Variants in P4HA3 observed in about 807,000 individuals in gnomAD.
P4HA3 encodes prolyl 4-hydroxylase subunit alpha 3, also known as prolyl 4-hydroxylase subunit alpha-3.
A neutral mutation model predicts 66.7 loss-of-function variants in P4HA3; 60 were observed. The observed-to-expected ratio is 0.90, with a 90% confidence interval of 0.73 to 1.12. P4HA3 has a LOEUF of 1.12. Ranked by LOEUF, P4HA3 falls within the 50% of genes most tolerant of loss-of-function variation. The pLI is 0.00. For missense variants in P4HA3, 683 were observed against 685.8 expected, an observed-to-expected ratio of 1.00 and a Z score of 0.05; for synonymous variants, 263 against 274.6, an observed-to-expected ratio of 0.96 and a Z score of 0.42.
At chr11:74,264,229 A>G (rs1041694182), downstream of P4HA3, among the ~76,000 whole-genome samples, 4 of 152,252 alleles carry the variant, frequency 2.6e-5, no homozygotes, top group South Asian at 2.1e-4. Flanking sequence ...GAAGCCACTA[A>G]CCATTCCTAC....
At chr11:74,288,846 G>A (rs1478739619) in intron 5 of P4HA3, among the ~76,000 whole-genome samples, 4 of 151,598 alleles carry the variant, frequency 2.6e-5, no homozygotes, top group Non-Finnish European at 5.9e-5. Context: ...CTACTCGGGA[G>A]GCTGAGGCAG....
intron 15 of P4HA3, chr11:74,251,699 A>G (rs373808614): frequency 3.1e-6 from 5 of 1,613,876 alleles, no homozygotes; most frequent in East Asian, 2.2e-5. Context: ...TGCAGAACCC[A>G]TCGGTGGATT....
In P4HA3 at chr11:74,266,909, AG is replaced by A; in HGVS notation, c.*338del. 1.3e-5 allele frequency: 14 copies of A among 1,119,566 alleles called. No individual in the cohort carries two copies. The highest frequency in any genetic ancestry group is 1.7e-5 in the Non-Finnish European group (14 of 812,754). 69.4% of individuals were successfully genotyped at this position (1,119,566 alleles called of 1,614,324 possible). A position where few individuals can be genotyped will look rare whatever the true frequency, so the allele number is the denominator to read the frequency against. ...CTTGGTCCCTGTGGTCAAGGTTCAA[AG>A]TGCCAAAAGACCCACTGATCGAACC... On this transcript the variant is annotated 3_prime_UTR_variant, in exon 13 of 13. Coordinates refer to ENST00000331597, the MANE Select transcript of P4HA3 (RefSeq NM_182904.5).
intron 1 of P4HA3, among the ~76,000 whole-genome samples, chr11:74,307,143 C>A (rs1003466015): frequency 6.6e-6 from 1 of 152,080 alleles, no homozygotes; most frequent in East Asian, 1.9e-4. Flanking sequence ...TTATTCTGAC[C>A]CAGCCTCCAA....
intron 9 of P4HA3, among the ~76,000 whole-genome samples, chr11:74,276,634 T>G (rs114129256): frequency 0.011 from 1,733 of 152,022 alleles, 30 homozygotes; most frequent in African/African-American, 0.04. Flanking sequence ...TTTAAAAAAA[T>G]TATTTGCTAT....
chr11:74,252,137 T>G (rs1464330808), intron 15 of P4HA3, among the ~76,000 whole-genome samples: 2 of 149,342 alleles, frequency 1.3e-5, no homozygotes, highest in East Asian at 3.9e-4. Context: ...GGCACAGTCT[T>G]GGTTCACTGC....
intron 4 of P4HA3, among the ~76,000 whole-genome samples, chr11:74,296,627 T>C (rs914605904): frequency 1.3e-5 from 2 of 151,948 alleles, no homozygotes; most frequent in African/African-American, 2.4e-5. Flanking sequence ...ATAAACAGGA[T>C]TTCACCAGAC....
downstream of P4HA3, chr11:74,266,562 A>C (rs564834262): frequency 1.9e-5 from 3 of 161,840 alleles, no homozygotes; most frequent in African/African-American, 7.2e-5. Flanking sequence ...GGTGGAATCC[A>C]CAGATGGGGA....
intron 10 of P4HA3, among the ~76,000 whole-genome samples, chr11:74,271,975 T>A (rs1860217193): frequency 6.6e-6 from 1 of 151,970 alleles, no homozygotes; most frequent in South Asian, 2.1e-4. Context: ...CAGAGTGACA[T>A]CCCTCCTTAC....
intron 9 of P4HA3, among the ~76,000 whole-genome samples, chr11:74,275,055 T>G (rs1297244691): frequency 6.6e-6 from 1 of 152,260 alleles, no homozygotes; most frequent in African/African-American, 2.4e-5. Flanking sequence ...GTTATAAAAG[T>G]TCTATAGATA....
chr11:74,251,092 T>A, intron 15 of P4HA3: 1 of 1,542,330 alleles, frequency 6.5e-7, no homozygotes. Context: ...GACAAGTCTC[T>A]GAGTCTCAGC....
chr11:74,268,314 C>G (rs570806724), intron 11 of P4HA3, 73 bp from the exon 12 acceptor site: 1 of 1,195,314 alleles, frequency 8.4e-7, no homozygotes, highest in Admixed American at 1.7e-5. Context: ...ATACTAAGGA[C>G]AAATGCAGGC....
At chr11:74,250,977 C>T (rs1467828212) in intron 15 of P4HA3, 4 of 1,602,304 alleles carry the variant, frequency 2.5e-6, no homozygotes, top group Admixed American at 1.7e-5. Flanking sequence ...GCAGGTCCTA[C>T]CCCAGTGTGG....
At chr11:74,265,577 A>C (rs1480971648), downstream of P4HA3, among the ~76,000 whole-genome samples, 1 of 152,204 alleles carries the variant, frequency 6.6e-6, no homozygotes, top group African/African-American at 2.4e-5. Flanking sequence ...AAGTGCCCAA[A>C]TATCACAATC....
At chr11:74,255,934 G>C in intron 15 of P4HA3, 1 of 516,872 alleles carries the variant, frequency 1.9e-6, no homozygotes, top group Non-Finnish European at 3.9e-6. Flanking sequence ...CTTTGCGGGT[G>C]CCTTTGCTGA....
intron 8 of P4HA3, among the ~76,000 whole-genome samples, chr11:74,277,784 CTTTGGAA>C (rs1357721329): frequency 1.3e-5 from 2 of 152,220 alleles, no homozygotes; most frequent in Non-Finnish European, 2.9e-5. Context: ...AAAGTGGCAA[CTTTGGAA>C]TCAGAATTTA....
Position 74,267,027 on chromosome 11 carries a change from T to G in P4HA3, c.*221A>C, listed in dbSNP as rs1860009627. 6.5e-7 allele frequency: 1 copy of G among 1,531,518 alleles called. No individual in the cohort carries two copies. The highest frequency in any genetic ancestry group is 2.4e-5 in the East Asian group (1 of 40,900). The allele number at this position is 1,531,518 out of a possible 1,614,324, so 94.9% of individuals were successfully genotyped here. A position where few individuals can be genotyped will look rare whatever the true frequency, so the allele number is the denominator to read the frequency against. ...CTCCACTCCCCCCTCCTTTGTACTG[T>G]GCATCCTACTCTGACTTCCGTGGCT... On this transcript the variant is annotated 3_prime_UTR_variant, in exon 13 of 13. Coordinates refer to ENST00000331597, the MANE Select transcript of P4HA3 (RefSeq NM_182904.5).
chr11:74,291,504 G>C (rs1455047071), intron 4 of P4HA3, among the ~76,000 whole-genome samples: 3 of 152,190 alleles, frequency 2.0e-5, no homozygotes, highest in Admixed American at 6.5e-5. Flanking sequence ...TAGTGAGAGA[G>C]GGCATCCCTG....
chr11:74,293,087 CTT>C (rs1318191335), intron 4 of P4HA3, among the ~76,000 whole-genome samples: 3 of 151,954 alleles, frequency 2.0e-5, no homozygotes, highest in African/African-American at 7.3e-5. Flanking sequence ...GTCTAAGTCT[CTT>C]TGTAGGTCAC....
Sources: allele counts gnomAD v4.1 joint callset (sites outside exome capture counted in the v4.1 genomes callset), GRCh38; gene constraint gnomAD v4.1.1; transcripts MANE v1.5; gene names NCBI Gene and HGNC (gene_info 2026-07-23, HGNC 2026-07-21).